Variants in RNF2 observed in about 807,000 individuals in gnomAD.
The protein encoded by RNF2 is ring finger protein 2.
A neutral mutation model predicts 37.2 loss-of-function variants in RNF2; 6 were observed. The observed-to-expected ratio is 0.16, with a 90% CI of 0.09 to 0.32. The LOEUF is 0.32. Ranked by LOEUF, RNF2 falls within the 10% of genes least tolerant of loss-of-function variation. The pLI, the probability that RNF2 is intolerant of heterozygous loss-of-function variation, is 1.00. For missense variants in RNF2, 251 were observed against 404.0 expected, an observed-to-expected ratio of 0.62 and a Z score of 3.25; for synonymous variants, 133 against 132.7, an observed-to-expected ratio of 1.00 and a Z score of -0.02.
chr1:185,085,322 G>A (rs1651555639), intron 1 of RNF2, among the ~76,000 whole-genome samples: 2 of 151,406 alleles, frequency 1.3e-5, no homozygotes, highest in Admixed American at 1.3e-4. Flanking sequence ...CTAATTTTTT[G>A]TATTTTTAGT....
intron 2 of RNF2, among the ~76,000 whole-genome samples, chr1:185,088,386 G>A (rs1443207672): frequency 1.3e-5 from 2 of 152,078 alleles, no homozygotes; most frequent in East Asian, 1.9e-4. Flanking sequence ...GAGAAACCCC[G>A]TCTCTACTGA....
chr1:185,089,215 G>C (rs1651694170), intron 2 of RNF2, among the ~76,000 whole-genome samples: 1 of 152,204 alleles, frequency 6.6e-6, no homozygotes, highest in African/African-American at 2.4e-5. Context: ...GATCTGACAG[G>C]AGGCAGAGCT....
chr1:185,074,335 T>C (rs1336200349), intron 1 of RNF2, among the ~76,000 whole-genome samples: 2 of 152,104 alleles, frequency 1.3e-5, no homozygotes, highest in African/African-American at 2.4e-5. Context: ...CTTTTCCCTC[T>C]TTAGTGGTAG....
At chr1:185,083,923 T>G (rs923380437) in intron 1 of RNF2, among the ~76,000 whole-genome samples, 2 of 145,428 alleles carry the variant, frequency 1.4e-5, no homozygotes, top group African/African-American at 5.1e-5. Flanking sequence ...TTTTTTTTTT[T>G]TTTAAGTCTT....
At chr1:185,084,600 T>C (rs1262824638) in intron 1 of RNF2, among the ~76,000 whole-genome samples, 1 of 152,200 alleles carries the variant, frequency 6.6e-6, no homozygotes, top group East Asian at 1.9e-4. Flanking sequence ...GGCCATTGCA[T>C]ATTTGGTACT....
At chr1:185,088,124 T>C (rs956432716) in intron 2 of RNF2, among the ~76,000 whole-genome samples, 1 of 152,222 alleles carries the variant, frequency 6.6e-6, no homozygotes, top group African/African-American at 2.4e-5. Context: ...ATGATTTTTA[T>C]ATTAGTCTGA....
At position 185,095,119 on chromosome 1, in the gene RNF2, T is replaced by C. The variant is rs530556531; in HGVS notation, c.464+1843T>C. Among the ~76,000 whole-genome samples the C allele has an allele frequency of 2.0e-5, 3 of 152,372 alleles. No homozygotes were observed. In the East Asian group the frequency reaches 5.8e-4, roughly 29 times the overall value. On this transcript the variant is annotated intron_variant, in intron 4 of 6. Coordinates refer to ENST00000367510, the MANE Select transcript of RNF2 (RefSeq NM_007212.4). ...TACCACTCTGTTTACCAAAGTATAA[T>C]GTACTAAATGTTAAATGTATTTATT...
chr1:185,062,572 T>G (rs896774387), intron 1 of RNF2, among the ~76,000 whole-genome samples: 20 of 152,128 alleles, frequency 1.3e-4, no homozygotes, highest in South Asian at 2.1e-4. Context: ...TATAGGTGGT[T>G]GTTTTTTATA....
intron 1 of RNF2, among the ~76,000 whole-genome samples, chr1:185,086,161 C>T (rs1571320018): frequency 6.6e-6 from 1 of 152,068 alleles, no homozygotes; most frequent in East Asian, 1.9e-4. Context: ...CCTCAAATTC[C>T]CCAATCCACC....
rs1484085440 is a variant in RNF2 at position 185,058,908 on chromosome 1, T to G, written c.-3+13259T>G. Among the ~76,000 whole-genome samples, 3 of 152,362 alleles carry G rather than the reference T, an allele frequency of 2.0e-5. No homozygotes were observed. The South Asian group carries it at 6.2e-4, about 32-fold the overall frequency. On this transcript the variant is annotated intron_variant, in intron 1 of 6. Transcript: ENST00000367510. ...ATTGACTTGGTTAAAGTCATGTTGA[T>G]TTCCAGTATATATGAAGTGTGCCAT...
intron 1 of RNF2, among the ~76,000 whole-genome samples, chr1:185,076,920 T>C (rs1651183954): frequency 1.3e-5 from 2 of 152,134 alleles, no homozygotes; most frequent in South Asian, 4.1e-4. Flanking sequence ...GGTATTTTGA[T>C]TGGGATTGCA....
rs1039281696 is a variant in RNF2 at position 185,097,986 on chromosome 1, A to G, written c.465-86A>G. On this transcript the variant is annotated intron_variant, in intron 4 of 6. Coordinates refer to ENST00000367510, the MANE Select transcript of RNF2 (RefSeq NM_007212.4). The stretch of plus-strand genomic sequence containing the variant: ...AGTTACCAGTATTTTTTGGAATTCT[A>G]AAGTTCAGTAGCAAACATGCTTCAG... 4 of 1,452,158 alleles carry G rather than the reference A, an allele frequency of 2.8e-6. No homozygotes were observed. In the African/African-American group the frequency reaches 4.3e-5, roughly 15 times the overall value. 90.0% of individuals were successfully genotyped at this position (1,452,158 alleles called of 1,614,324 possible).
chr1:185,063,477 A>G (rs1650672282), intron 1 of RNF2, among the ~76,000 whole-genome samples: 1 of 152,196 alleles, frequency 6.6e-6, no homozygotes, highest in Admixed American at 6.5e-5. Context: ...TTGGCAGAAG[A>G]TAAGACTATT....
chr1:185,046,823 C>G (rs1025610198), intron 1 of RNF2, among the ~76,000 whole-genome samples: 1 of 152,284 alleles, frequency 6.6e-6, no homozygotes, highest in South Asian at 2.1e-4. Flanking sequence ...CCAAGATGAT[C>G]AGCTGGAATA....
At chr1:185,087,673 G>A (rs1340374440) in intron 2 of RNF2, 33 bp downstream of exon 2, 2 of 1,476,942 alleles carry the variant, frequency 1.4e-6, no homozygotes, top group Non-Finnish European at 1.9e-6. Flanking sequence ...AGGGGCATAT[G>A]AGACGTGTAA....
rs144679399 is a variant in RNF2 at position 185,067,831 on chromosome 1, C to T, written c.-2-19721C>T. On this transcript the variant is annotated intron_variant, in intron 1 of 6. Coordinates refer to ENST00000367510, the MANE Select transcript of RNF2 (RefSeq NM_007212.4). ...GTTCAAACGATTCTCCTACCTCAGC[C>T]TCTCGAGTAGCTGGGACTACAGGCG... Among the ~76,000 whole-genome samples the T allele has an allele frequency of 5.3e-3, 803 of 151,164 alleles. 26 individuals are homozygous for T. In the East Asian group the frequency reaches 0.082, roughly 15 times the overall value.
At chr1:185,088,988 A>T (rs1651685675) in intron 2 of RNF2, among the ~76,000 whole-genome samples, 1 of 134,492 alleles carries the variant, frequency 7.4e-6, no homozygotes, top group African/African-American at 2.8e-5. Context: ...TAATTTAGAG[A>T]TGATTTAAAG....
intron 1 of RNF2, among the ~76,000 whole-genome samples, chr1:185,051,188 C>T (rs1019466434): frequency 2.6e-5 from 4 of 152,174 alleles, no homozygotes; most frequent in Non-Finnish European, 5.9e-5. Context: ...TTGCATTAAA[C>T]CCTCACTATT....
rs12077730 is a variant in RNF2, at chr1:185,083,041, T to G, written c.-2-4511T>G. 7.2e-3 allele frequency among the ~76,000 whole-genome samples: 1,097 copies of G among 152,302 alleles called. 13 individuals are homozygous for G. The highest frequency in any genetic ancestry group is 0.025 in the African/African-American group (1,028 of 41,568). On this transcript the variant is annotated intron_variant, in intron 1 of 6. Coordinates refer to ENST00000367510, the MANE Select transcript of RNF2 (RefSeq NM_007212.4). ...ATATTTATACATGGTTCACCTCAAA[T>G]TCAACAACTAGAGTCATCTTCAAAG...
Sources: gnomAD v4.1 joint callset for allele counts (sites outside exome capture counted in the v4.1 genomes callset) on GRCh38, gnomAD v4.1.1 for gene constraint, MANE v1.5 for transcripts, NCBI Gene and HGNC (gene_info 2026-07-23, HGNC 2026-07-21) for gene names.